SUPT6H: variants seen among roughly 807,000 people sequenced by gnomAD.
The protein encoded by SUPT6H is transcription elongation factor SPT6.
Under a neutral mutation model 222.3 loss-of-function variants are expected in SUPT6H, and 11 were observed. The ratio of observed to expected loss-of-function variants is 0.05; its 90% CI spans 0.03 to 0.08. The LOEUF is 0.08. Ranked by LOEUF, SUPT6H falls within the 10% of genes least tolerant of loss-of-function variation. SUPT6H has a pLI of 1.00. For missense variants in SUPT6H, 1,422 were observed against 2,216.0 expected (o/e 0.64, Z 7.19); for synonymous variants, 762 against 801.2 (o/e 0.95, Z 0.83).
chr17:28,667,966 C>G (rs1052015767), intron 1 of SUPT6H, among the ~76,000 whole-genome samples: 17 of 151,934 alleles, frequency 1.1e-4, no homozygotes, highest in African/African-American at 3.9e-4. Context: ...AATTAACAGA[C>G]TAGATCTCTT....
At chr17:28,691,139 A>G (rs2031623358) in intron 27 of SUPT6H, 76 bp downstream of exon 27, 1 of 1,526,018 alleles carries the variant, frequency 6.6e-7, no homozygotes, top group Non-Finnish European at 8.9e-7. Context: ...GGAATCAGAA[A>G]TGAGGGTGTT....
chr17:28,668,744 C>G (rs2030240826), intron 1 of SUPT6H, among the ~76,000 whole-genome samples: 1 of 152,094 alleles, frequency 6.6e-6, no homozygotes, highest in South Asian at 2.1e-4. Context: ...GTCTGATAGC[C>G]TAATTAGAAC....
chr17:28,679,097 C>T (rs2030930496), intron 11 of SUPT6H, 134 bp downstream of exon 11: 2 of 1,167,896 alleles, frequency 1.7e-6, no homozygotes, highest in Non-Finnish European at 2.4e-6. Context: ...GTCAACCAGG[C>T]ACAGTGGCTC....
rs1174512985 is a variant in SUPT6H, at chr17:28,697,896, C to T, written c.4324-10C>T. 6.2e-7 allele frequency: 1 copy of T among 1,613,660 alleles called. No individual in the cohort carries two copies. On this transcript the variant is annotated splice_polypyrimidine_tract_variant and intron_variant, in intron 31 of 36. Coordinates refer to ENST00000314616, the MANE Select transcript of SUPT6H (RefSeq NM_003170.5). ...GCTATCCCAACCTCTCCCCCTCATTCTACCCCCAGAAATTAGAGGAGCTGC... is the reference window on the plus strand; with the variant it reads ...GCTATCCCAACCTCTCCCCCTCATTTTACCCCCAGAAATTAGAGGAGCTGC...
At chr17:28,669,949 T>A (rs1246012667) in intron 1 of SUPT6H, 5 of 152,208 alleles carry the variant, frequency 3.3e-5, no homozygotes, top group Admixed American at 2.0e-4. Context: ...ATAAGTAAAT[T>A]AAGTAAGAAT....
chr17:28,687,810 G>A (rs1415600980), intron 23 of SUPT6H, among the ~76,000 whole-genome samples: 2 of 152,188 alleles, frequency 1.3e-5, no homozygotes, highest in East Asian at 3.9e-4. Flanking sequence ...GAGCCACTGC[G>A]CCCGGCCAAC....
At chr17:28,686,942 T>A (rs866714946) in intron 21 of SUPT6H, 146 bp from the exon 22 acceptor site, 1 of 1,483,680 alleles carries the variant, frequency 6.7e-7, no homozygotes, top group Non-Finnish European at 9.1e-7. Flanking sequence ...ACGGTTCAGA[T>A]TGGGAGTCCC....
intron 29 of SUPT6H, among the ~76,000 whole-genome samples, chr17:28,696,243 G>A (rs1193677665): frequency 6.9e-6 from 1 of 144,178 alleles, no homozygotes; most frequent in Non-Finnish European, 1.5e-5. Flanking sequence ...GTTGCAGTGA[G>A]CCAAAATTGC....
chr17:28,677,875 G>A, intron 8 of SUPT6H, 59 bp downstream of exon 8: 1 of 1,502,528 alleles, frequency 6.7e-7, no homozygotes, highest in South Asian at 1.1e-5. Context: ...ATCAAGATGG[G>A]GAGCTCTTCC....
At position 28,686,625 on chromosome 17, in the gene SUPT6H, T is replaced by C. The variant is rs781484284; in HGVS notation, c.2565-29T>C. 9.6e-6 allele frequency: 15 copies of C among 1,560,144 alleles called. No homozygotes were observed. The African/African-American group carries it at 2.1e-4, about 21-fold the overall frequency. On this transcript the variant is annotated intron_variant, in intron 20 of 36. Coordinates refer to ENST00000314616, the MANE Select transcript of SUPT6H (RefSeq NM_003170.5). ...GAGACTGTCCATCCCTAAGAAAACA[T>C]ATTCATTGACCAACACTCATCCCAC...
In SUPT6H at chr17:28,688,025, G is replaced by T; in HGVS notation, c.3007-66G>T. Reference sequence around the variant, plus strand: ...GTTTTTGTTATGAGGGTTTAATAGAGACTGGAACAGTCTGGGGAGGTGGGG... The same window carrying T: ...GTTTTTGTTATGAGGGTTTAATAGATACTGGAACAGTCTGGGGAGGTGGGG... On this transcript the variant is annotated intron_variant, in intron 23 of 36. Transcript: ENST00000314616. The surrounding 1 kb of genome is among the most constrained non-coding windows in gnomAD (Gnocchi z 4.3). The T allele has an allele frequency of 6.7e-7, 1 of 1,488,026 alleles. No individual in the cohort carries two copies. Among genetic ancestry groups the T allele is most frequent in the South Asian group, 1.4e-5 (1 of 71,804 alleles). 92.2% of individuals were successfully genotyped at this position (1,488,026 alleles called of 1,614,324 possible). A position where few individuals can be genotyped will look rare whatever the true frequency, so the allele number is the denominator to read the frequency against.
rs1340623871 is a variant in SUPT6H at position 28,690,945 on chromosome 17, C to G, written c.3515C>G (p.Thr1172Ser). The G allele has an allele frequency of 1.2e-6, 2 of 1,613,736 alleles. No individual in the cohort carries two copies. Among genetic ancestry groups the G allele is most frequent in the Non-Finnish European group, 1.7e-6 (2 of 1,180,028 alleles). ...YIGKLIICNV[T>S]GIAHRRPQGE... ...GGAAAGCTCATCATCTGCAATGTCA[C>G]TGGCATTGCCCACAGGCGTCCCCAG... The change falls in exon 27 of 37, where the codon ACT becomes AGT. Residue 1172 changes from threonine to serine, a missense_variant. Thr to Ser is a moderately conservative substitution (Grantham distance 58). This residue lies in a region of SUPT6H where 60 missense variants were observed against 96.7 expected (regional missense o/e 0.62). Coordinates refer to ENST00000314616, the MANE Select transcript of SUPT6H (RefSeq NM_003170.5).
At chr17:28,678,465 A>G in intron 9 of SUPT6H, 80 bp from the exon 10 acceptor site, 1 of 1,386,948 alleles carries the variant, frequency 7.2e-7, no homozygotes, top group Non-Finnish European at 1.0e-6. Context: ...CTGTTTCTCC[A>G]GGAAGTCATT....
At chr17:28,701,302 C>T in intron 36 of SUPT6H, 137 bp from the exon 37 acceptor site, 1 of 1,378,960 alleles carries the variant, frequency 7.3e-7, no homozygotes, top group Non-Finnish European at 9.8e-7. Flanking sequence ...TGGCAGCCAG[C>T]TGCTGCTGTA....
chr17:28,670,193 T>TA (rs1449873934), intron 1 of SUPT6H: 3 of 152,328 alleles, frequency 2.0e-5, no homozygotes, highest in East Asian at 1.9e-4. Flanking sequence ...CCTCAGCACT[T>TA]ACAGATGATA....
At chr17:28,677,934 T>C (rs2030858940) in intron 8 of SUPT6H, 118 bp downstream of exon 8, 1 of 1,283,314 alleles carries the variant, frequency 7.8e-7, no homozygotes, top group African/African-American at 1.5e-5. Context: ...ACTGTGTGTA[T>C]GTAGTCCCAA....
In SUPT6H at chr17:28,678,862, G is replaced by C. The variant is rs751793546; in HGVS notation, c.1248G>C (p.Leu416=). Residue 416 remains leucine, a synonymous_variant, in exon 11 of 37, where the codon CTG becomes CTC. Transcript: ENST00000314616. ...LRIRKENLTR[L]FEKMQAYQYE... ...TCCGTAAAGAGAACCTAACACGGCT[G>C]TTTGAGAAGATGCAGGCTTATCAGT... The C allele has an allele frequency of 2.5e-6, 4 of 1,614,094 alleles. No homozygotes were observed. In the East Asian group the frequency reaches 8.9e-5, roughly 36 times the overall value.
chr17:28,679,013 G>A (rs745584799), intron 11 of SUPT6H, 50 bp downstream of exon 11: 1 of 1,611,434 alleles, frequency 6.2e-7, no homozygotes, highest in Non-Finnish European at 8.5e-7. Context: ...AGACCCCAAG[G>A]CTGGCCCTGC....
chr17:28,697,953 C>G lies in SUPT6H; in HGVS notation c.4371C>G (p.Phe1457Leu). The change falls in exon 32 of 37, where the codon TTC (phenylalanine) becomes TTG (leucine). Residue 1457 changes from phenylalanine (F) to leucine (L), a missense_variant. Coordinates refer to ENST00000314616, the MANE Select transcript of SUPT6H (RefSeq NM_003170.5). ...AAACTAAGAAGGAGAAGCCCACCTT[C>G]ATCCCTTATTTCATCTGTGCCTGCA... is the stretch of plus-strand genomic sequence containing the variant. ...LIKTKKEKPT[F>L]IPYFICACKE... 6.2e-7 allele frequency: 1 copy of G among 1,614,108 alleles called. No homozygotes were observed. Among genetic ancestry groups the G allele is most frequent in the Non-Finnish European group, 8.5e-7 (1 of 1,180,040 alleles).
Sources: allele counts gnomAD v4.1 joint callset (sites outside exome capture counted in the v4.1 genomes callset), GRCh38; gene constraint gnomAD v4.1.1; regional missense constraint gnomAD v4.1.1; non-coding constraint Gnocchi (gnomAD v3.1); transcripts MANE v1.5; gene names NCBI Gene and HGNC (gene_info 2026-07-23, HGNC 2026-07-21).